RGS5: variants seen among roughly 807,000 people sequenced by gnomAD.
The protein encoded by RGS5 is regulator of G-protein signalling 5.
A neutral mutation model predicts 18.9 loss-of-function variants in RGS5; 20 were observed. The ratio of observed to expected loss-of-function variants is 1.06; its 90% CI spans 0.74 to 1.54. The LOEUF is 1.54. Among genes scored for constraint, RGS5 ranks in the 40% most tolerant of loss-of-function variants. The pLI is 0.00. For synonymous variants in RGS5, 57 were observed against 76.2 expected, an observed-to-expected ratio of 0.75 and a Z score of 1.31; for missense variants, 201 against 211.8, an observed-to-expected ratio of 0.95 and a Z score of 0.32.
rs1351824234 is a variant in RGS5 at position 163,146,245 on chromosome 1, T to A, written c.*1097A>T. 1 of 141,458 alleles carries A rather than the reference T, an allele frequency of 7.1e-6. No individual in the cohort carries two copies. Among genetic ancestry groups the A allele is most frequent in the Non-Finnish European group, 1.5e-5 (1 of 67,266 alleles). The allele number at this position is 141,458 out of a possible 1,614,324, so 8.8% of individuals were successfully genotyped here. A position where few individuals can be genotyped will look rare whatever the true frequency, so the allele number is the denominator to read the frequency against. On this transcript the variant is annotated 3_prime_UTR_variant, in exon 5 of 5. Transcript: ENST00000313961. ...CTGGGGTTGCTAAAAGATTACTTTT[T>A]TTTTTTTTTTTTGCAAAATGCAGTG...
At chr1:163,305,217 A>G (rs142395108) in intron 2 of RGS5, 1 of 152,316 alleles carries the variant, frequency 6.6e-6, no homozygotes, top group Non-Finnish European at 1.5e-5. Flanking sequence ...CCATCCATAT[A>G]CTGGACTGAG....
upstream of RGS5, among the ~76,000 whole-genome samples, chr1:163,222,048 C>CT (rs1281824637): frequency 6.6e-6 from 1 of 152,104 alleles, no homozygotes; most frequent in East Asian, 1.9e-4. Flanking sequence ...GCCAATACAG[C>CT]TTTTTTCAAT....
chr1:163,198,527 T>C (rs1431680940), intron 1 of RGS5, among the ~76,000 whole-genome samples: 2 of 152,178 alleles, frequency 1.3e-5, no homozygotes, highest in African/African-American at 4.8e-5. Context: ...ATCCAAACTT[T>C]TGGGCAATGA....
At chr1:163,321,601 C>T in intron 1 of RGS5, 1 of 152,184 alleles carries the variant, frequency 6.6e-6, no homozygotes, top group East Asian at 1.9e-4. Flanking sequence ...GTTATTATTA[C>T]TCTGGAATTC....
At chr1:163,275,045 G>T (rs1470510631) in intron 2 of RGS5, among the ~76,000 whole-genome samples, 1 of 152,194 alleles carries the variant, frequency 6.6e-6, no homozygotes, top group Non-Finnish European at 1.5e-5. Flanking sequence ...GAGCCTGGGA[G>T]GTTGAGGCTG....
intron 2 of RGS5, among the ~76,000 whole-genome samples, chr1:163,223,001 C>T (rs917344906): frequency 2.6e-4 from 39 of 152,054 alleles, no homozygotes; most frequent in African/African-American, 9.2e-4. Context: ...TGCACCACCA[C>T]ATTTGGCTAA....
At chr1:163,150,953 C>T (rs574311229) in intron 4 of RGS5, among the ~76,000 whole-genome samples, 1 of 152,286 alleles carries the variant, frequency 6.6e-6, no homozygotes, top group Non-Finnish European at 1.5e-5. Flanking sequence ...GCCTACTCAA[C>T]AAGGCTTGCC....
At chr1:163,182,708 G>A (rs910558527) in intron 1 of RGS5, among the ~76,000 whole-genome samples, 5 of 152,182 alleles carry the variant, frequency 3.3e-5, no homozygotes, top group African/African-American at 4.8e-5. Context: ...TTGTCCTCAG[G>A]TCAAGGAAGA....
At chr1:163,317,513 A>C (rs183391581) in intron 1 of RGS5, among the ~76,000 whole-genome samples, 1 of 152,138 alleles carries the variant, frequency 6.6e-6, no homozygotes, top group African/African-American at 2.4e-5. Flanking sequence ...GGATTACTAC[A>C]ATTATCTCCT....
At chr1:163,218,317 TGGATA>T (rs1660262499), upstream of RGS5, among the ~76,000 whole-genome samples, 1 of 152,222 alleles carries the variant, frequency 6.6e-6, no homozygotes, top group Non-Finnish European at 1.5e-5. Context: ...AACCCACAGA[TGGATA>T]TTTGTAATTT....
intron 2 of RGS5, among the ~76,000 whole-genome samples, chr1:163,275,493 C>T (rs1387127349): frequency 6.6e-6 from 1 of 152,156 alleles, no homozygotes; most frequent in Non-Finnish European, 1.5e-5. Flanking sequence ...AAGGGGGACA[C>T]CTTCTAGCAG....
intron 2 of RGS5, among the ~76,000 whole-genome samples, chr1:163,280,077 G>A (rs1219673077): frequency 6.6e-6 from 1 of 151,860 alleles, no homozygotes; most frequent in Non-Finnish European, 1.5e-5. Context: ...TTCTACCAAA[G>A]GTTTAAAGAA....
intron 2 of RGS5, chr1:163,244,786 AAGGTTTAATT>A (rs1647884613): frequency 6.6e-6 from 1 of 152,210 alleles, no homozygotes. Context: ...AATCATTCAG[AAGGTTTAATT>A]AACCAGAAAG....
chr1:163,191,839 C>G (rs1659371435), intron 1 of RGS5, among the ~76,000 whole-genome samples: 1 of 152,146 alleles, frequency 6.6e-6, no homozygotes. Context: ...AAGCTTGGAG[C>G]TTTCAACAAA....
intron 1 of RGS5, among the ~76,000 whole-genome samples, chr1:163,215,344 T>G (rs1660194104): frequency 1.3e-5 from 2 of 152,212 alleles, no homozygotes; most frequent in African/African-American, 4.8e-5. Context: ...AGGCAAGTTA[T>G]CCAAACTCTC....
chr1:163,319,257 C>T lies in RGS5; in HGVS notation c.-378+2365G>A, dbSNP rs1385783923. ...TTGTCACTCAAAGGTCCACTCAGTC[C>T]TGATAGGTCTGTCATCCAGAATTTA... On this transcript the variant is annotated intron_variant, in intron 1 of 5. Transcript: ENST00000618415. 2.0e-5 allele frequency: 3 copies of T among 152,210 alleles called. No individual in the cohort carries two copies. The East Asian group carries it at 5.8e-4, about 29-fold the overall frequency. 9.4% of individuals were successfully genotyped at this position (152,210 alleles called of 1,614,324 possible).
intron 1 of RGS5, among the ~76,000 whole-genome samples, chr1:163,317,580 C>A (rs948996816): frequency 6.6e-6 from 1 of 152,118 alleles, no homozygotes; most frequent in African/African-American, 2.4e-5. Context: ...CTCAGAGTAG[C>A]GATTCATCAT....
chr1:163,198,938 G>A (rs1659674369), intron 1 of RGS5, among the ~76,000 whole-genome samples: 1 of 152,112 alleles, frequency 6.6e-6, no homozygotes, highest in South Asian at 2.1e-4. Flanking sequence ...CCAAAGTGCT[G>A]GGATTACAGG....
intron 2 of RGS5, 69 bp downstream of exon 2, chr1:163,168,189 A>G (rs567529514): frequency 1.8e-6 from 2 of 1,121,800 alleles, no homozygotes; most frequent in East Asian, 2.4e-5. Flanking sequence ...CAGATGAGGA[A>G]TGGTGCTAAA....
Sources: gnomAD v4.1 joint callset for allele counts (sites outside exome capture counted in the v4.1 genomes callset) on GRCh38, gnomAD v4.1.1 for gene constraint, MANE v1.5 for transcripts, NCBI Gene and HGNC (gene_info 2026-07-23, HGNC 2026-07-21) for gene names.